Variants in FBXL13 observed in about 807,000 individuals in gnomAD.
FBXL13 encodes F-box and leucine rich repeat protein 13, also known as F-box and leucine-rich repeat protein 13.
FBXL13 carries 67 observed loss-of-function variants against 83.6 expected under a neutral mutation model. That is an observed-to-expected ratio of 0.80 (90% CI 0.66 to 0.98). The LOEUF is 0.98. Among genes scored for constraint, FBXL13 ranks in the 50% least tolerant of loss-of-function variants. The pLI is 0.00. For missense variants in FBXL13, 822 were observed against 866.5 expected, an observed-to-expected ratio of 0.95 and a Z score of 0.64; for synonymous variants, 272 against 299.5, an observed-to-expected ratio of 0.91 and a Z score of 0.95.
At chr7:103,055,952 C>G (rs1797291760) in intron 1 of FBXL13, among the ~76,000 whole-genome samples, 1 of 152,126 alleles carries the variant, frequency 6.6e-6, no homozygotes, top group Non-Finnish European at 1.5e-5. Context: ...GCACCCATCA[C>G]CTGAGCAGTG....
chr7:102,824,719 C>A (rs1584450315), intron 18 of FBXL13, among the ~76,000 whole-genome samples: 1 of 151,456 alleles, frequency 6.6e-6, no homozygotes, highest in African/African-American at 2.4e-5. Flanking sequence ...CTGATGACCT[C>A]AAGTGATCCG....
intron 10 of FBXL13, 91 bp downstream of exon 11, chr7:102,926,183 A>G: frequency 9.8e-7 from 1 of 1,021,932 alleles, no homozygotes; most frequent in Admixed American, 2.3e-5. Context: ...GTGTTGATAA[A>G]GGGAGCACTG....
intron 8 of FBXL13, among the ~76,000 whole-genome samples, chr7:102,953,897 A>G (rs1563143170): frequency 6.6e-6 from 1 of 152,236 alleles, no homozygotes; most frequent in African/African-American, 2.4e-5. Context: ...ATGTGTATAT[A>G]TGTGTGTATA....
chr7:102,917,638 T>G (rs757274269), intron 10 of FBXL13, among the ~76,000 whole-genome samples: 14 of 152,152 alleles, frequency 9.2e-5, no homozygotes, highest in Non-Finnish European at 1.9e-4. Context: ...TTGGGAAACC[T>G]AGGCAGAGAA....
At chr7:103,053,624 C>G (rs1018030422) in intron 2 of FBXL13, among the ~76,000 whole-genome samples, 1 of 152,318 alleles carries the variant, frequency 6.6e-6, no homozygotes, top group South Asian at 2.1e-4. Flanking sequence ...AAGCTTTTCT[C>G]AAGCAAAATC....
chr7:102,863,594 A>G (rs11978799), intron 16 of FBXL13, among the ~76,000 whole-genome samples: 33,365 of 151,968 alleles, frequency 0.22, 4,209 homozygotes, highest in East Asian at 0.59. Flanking sequence ...AATTCCTATG[A>G]TTCCAGATAT....
chr7:103,004,189 A>C (rs1167807978), intron 6 of FBXL13, among the ~76,000 whole-genome samples: 1 of 152,082 alleles, frequency 6.6e-6, no homozygotes, highest in African/African-American at 2.4e-5. Context: ...GCTTTTTCTA[A>C]GATATGGTTG....
intron 11 of FBXL13, among the ~76,000 whole-genome samples, chr7:102,897,180 T>A (rs1812354830): frequency 6.6e-6 from 1 of 151,730 alleles, no homozygotes; most frequent in African/African-American, 2.4e-5. Flanking sequence ...ATATATGATT[T>A]TATATATATA....
intron 11 of FBXL13, among the ~76,000 whole-genome samples, chr7:102,890,563 A>G (rs1170494107): frequency 6.6e-6 from 1 of 152,244 alleles, no homozygotes; most frequent in Non-Finnish European, 1.5e-5. Context: ...ACCCATCATC[A>G]TGAGAAGACA....
At chr7:102,966,534 G>A (rs1825980858) in intron 7 of FBXL13, among the ~76,000 whole-genome samples, 1 of 152,206 alleles carries the variant, frequency 6.6e-6, no homozygotes. Context: ...ATAATGAAAT[G>A]TCTTGCAGAA....
At chr7:102,945,320 G>C (rs150147766) in intron 8 of FBXL13, among the ~76,000 whole-genome samples, 1 of 152,312 alleles carries the variant, frequency 6.6e-6, no homozygotes, top group African/African-American at 2.4e-5. Context: ...CGTGAATATG[G>C]AGACACCATT....
At chr7:102,926,728 A>G (rs958938561) in intron 9 of FBXL13, among the ~76,000 whole-genome samples, 2 of 152,224 alleles carry the variant, frequency 1.3e-5, no homozygotes, top group Non-Finnish European at 2.9e-5. Flanking sequence ...GAAAGCAATT[A>G]AAAACTGATC....
rs1208169384 is a variant in FBXL13 at position 103,059,937 on chromosome 7, A to G, written c.-104-4190T>C. 2.0e-5 allele frequency among the ~76,000 whole-genome samples: 3 copies of G among 149,952 alleles called. No individual in the cohort carries two copies. The East Asian group carries it at 5.9e-4, about 30-fold the overall frequency. On this transcript the variant is annotated intron_variant, in intron 1 of 19. Transcript: ENST00000313221. ...GGGATAATAAAGGTTCATACGCTAT[A>G]GGGCTATCATGAAAATTAAAAACTG... is the stretch of plus-strand genomic sequence containing the variant.
chr7:102,969,836 G>A (rs1826410197), intron 6 of FBXL13, among the ~76,000 whole-genome samples: 1 of 123,148 alleles, frequency 8.1e-6, no homozygotes, highest in East Asian at 2.7e-4. Flanking sequence ...GAGGGGAGGG[G>A]AGGGGAGGGG....
At chr7:102,896,012 A>C (rs1812206880) in intron 11 of FBXL13, among the ~76,000 whole-genome samples, 1 of 152,246 alleles carries the variant, frequency 6.6e-6, no homozygotes, top group African/African-American at 2.4e-5. Context: ...AAGATTCCAG[A>C]CAGGGGAACA....
At chr7:103,000,894 G>A (rs889544701) in intron 6 of FBXL13, among the ~76,000 whole-genome samples, 3 of 152,166 alleles carry the variant, frequency 2.0e-5, no homozygotes, top group South Asian at 2.1e-4. Flanking sequence ...TCTGATATAA[G>A]CATAGCTACT....
intron 6 of FBXL13, among the ~76,000 whole-genome samples, chr7:103,005,495 ACT>A (rs1790892078): frequency 6.6e-6 from 1 of 152,164 alleles, no homozygotes; most frequent in South Asian, 2.1e-4. Context: ...AATACCATAG[ACT>A]GGATTGCTTA....
At chr7:102,822,700 T>C (rs190776920) in intron 18 of FBXL13, among the ~76,000 whole-genome samples, 17 of 152,370 alleles carry the variant, frequency 1.1e-4, no homozygotes, top group African/African-American at 4.1e-4. Context: ...ATAATGGGCC[T>C]ACAATTCAAG....
At chr7:102,861,061 A>G (rs1584671822) in intron 16 of FBXL13, among the ~76,000 whole-genome samples, 2 of 151,976 alleles carry the variant, frequency 1.3e-5, no homozygotes, top group African/African-American at 4.8e-5. Flanking sequence ...AGTTTCAGAT[A>G]TCATGATGCT....
Sources: allele counts gnomAD v4.1 joint callset (sites outside exome capture counted in the v4.1 genomes callset), GRCh38; gene constraint gnomAD v4.1.1; transcripts MANE v1.5; gene names NCBI Gene and HGNC (gene_info 2026-07-23, HGNC 2026-07-21).